The following MOXD1 variants were observed in gnomAD, a reference collection of about 807,000 sequenced individuals.
MOXD1 encodes monooxygenase DBH like 1, also known as DBH-like monooxygenase protein 1.
A neutral mutation model predicts 66.6 loss-of-function variants in MOXD1; 62 were observed. That is an observed-to-expected ratio of 0.93 (90% CI 0.76 to 1.15). The LOEUF is 1.15. MOXD1 is among the 50% of genes most tolerant of loss of function. MOXD1 has a pLI of 0.00. For synonymous variants in MOXD1, 303 were observed against 281.9 expected (o/e 1.07, Z -0.75); for missense variants, 847 against 754.6 (o/e 1.12, Z -1.44).
chr6:132,306,653 C>A (rs1187379412), intron 10 of MOXD1, among the ~76,000 whole-genome samples: 1 of 152,202 alleles, frequency 6.6e-6, no homozygotes. Context: ...ATCAGACTAA[C>A]AGTGGACCTC....
chr6:132,377,336 T>C (rs2114669934), intron 1 of MOXD1, among the ~76,000 whole-genome samples: 1 of 152,320 alleles, frequency 6.6e-6, no homozygotes, highest in South Asian at 2.1e-4. Context: ...CAGTTAACTG[T>C]GCCTTTTCAC....
rs753078871 is a variant in MOXD1 at position 132,315,788 on chromosome 6, ATAGT to A, written c.1366-15_1366-12del. Reference sequence around the variant, plus strand: ...GGTGCTTAGTCCTCCCTGAAAACAGATAGTTTATTTAGCAAAGTATGTGTTCTAC... The same window carrying A: ...GGTGCTTAGTCCTCCCTGAAAACAGATTATTTAGCAAAGTATGTGTTCTAC... On this transcript the variant is annotated splice_polypyrimidine_tract_variant and intron_variant, in intron 9 of 11. Coordinates refer to ENST00000367963, the MANE Select transcript of MOXD1 (RefSeq NM_015529.4). 2 of 1,612,810 alleles carry A rather than the reference ATAGT, an allele frequency of 1.2e-6. No individual in the cohort carries two copies. The highest frequency in any genetic ancestry group is 1.7e-6 in the Non-Finnish European group (2 of 1,179,268).
intron 4 of MOXD1, among the ~76,000 whole-genome samples, chr6:132,365,348 G>A (rs112761627): frequency 2.0e-5 from 3 of 152,098 alleles, no homozygotes; most frequent in African/African-American, 7.2e-5. Flanking sequence ...AACTTCAAGG[G>A]AGGCAGTGGC....
intron 4 of MOXD1, among the ~76,000 whole-genome samples, chr6:132,336,913 T>G (rs1775453378): frequency 6.6e-6 from 1 of 152,100 alleles, no homozygotes; most frequent in Non-Finnish European, 1.5e-5. Context: ...TCTTGGAACT[T>G]TTCAAACGAC....
intron 10 of MOXD1, among the ~76,000 whole-genome samples, chr6:132,315,182 T>C (rs1774915339): frequency 6.6e-6 from 1 of 152,192 alleles, no homozygotes. Context: ...CAAAAAACTC[T>C]GGGCACTGAA....
intron 9 of MOXD1, among the ~76,000 whole-genome samples, chr6:132,316,521 G>C (rs1264143978): frequency 6.6e-6 from 1 of 152,028 alleles, no homozygotes; most frequent in African/African-American, 2.4e-5. Flanking sequence ...TCAAAAATGA[G>C]TGAACAGAAA....
intron 4 of MOXD1, among the ~76,000 whole-genome samples, chr6:132,364,674 T>C (rs1776081143): frequency 6.6e-6 from 1 of 152,214 alleles, no homozygotes; most frequent in Non-Finnish European, 1.5e-5. Context: ...ACATTATCTC[T>C]GTGACTTAAG....
rs573015428 is a variant in MOXD1, at chr6:132,337,938, T to G, written c.664-9344A>C. Among the ~76,000 whole-genome samples, 3 of 152,264 alleles carry G rather than the reference T, an allele frequency of 2.0e-5. No individual in the cohort carries two copies. The South Asian group carries it at 6.2e-4, about 32-fold the overall frequency. ...TCATACGTATATGGCCAGCAAGAAG[T>G]AGGAGTGTCCCAGAGGTCCCATCTT... On this transcript the variant is annotated intron_variant, in intron 4 of 11. Coordinates refer to ENST00000367963, the MANE Select transcript of MOXD1 (RefSeq NM_015529.4).
chr6:132,341,100 T>C (rs1775552225), intron 4 of MOXD1, among the ~76,000 whole-genome samples: 1 of 152,212 alleles, frequency 6.6e-6, no homozygotes, highest in Non-Finnish European at 1.5e-5. Flanking sequence ...TTGGTCTGAA[T>C]GTGTCCCCCA....
At chr6:132,350,533 T>C (rs1419505628) in intron 4 of MOXD1, among the ~76,000 whole-genome samples, 2 of 152,206 alleles carry the variant, frequency 1.3e-5, no homozygotes, top group Non-Finnish European at 2.9e-5. Flanking sequence ...TATGGTCTTA[T>C]AGTTTGAAAT....
At chr6:132,365,250 GC>G (rs1218240038) in intron 4 of MOXD1, among the ~76,000 whole-genome samples, 1 of 152,098 alleles carries the variant, frequency 6.6e-6, no homozygotes, top group Non-Finnish European at 1.5e-5. Context: ...GGATTCTGGG[GC>G]ACTTTGGCAT....
At chr6:132,317,651 A>C (rs904333973) in intron 9 of MOXD1, among the ~76,000 whole-genome samples, 2 of 152,122 alleles carry the variant, frequency 1.3e-5, no homozygotes, top group Admixed American at 1.3e-4. Flanking sequence ...AAGACAGTGC[A>C]CCAAAATACC....
intron 4 of MOXD1, among the ~76,000 whole-genome samples, chr6:132,342,225 C>T (rs1266485571): frequency 6.6e-6 from 1 of 152,220 alleles, no homozygotes; most frequent in Non-Finnish European, 1.5e-5. Flanking sequence ...TGGTCTCAAA[C>T]TCCTGACCTC....
chr6:132,315,417 C>G (rs1280419409), intron 10 of MOXD1, among the ~76,000 whole-genome samples: 1 of 152,166 alleles, frequency 6.6e-6, no homozygotes, highest in Non-Finnish European at 1.5e-5. Context: ...TTGCTGAGTA[C>G]TGTAGGTACT....
In MOXD1 at chr6:132,297,844, C is replaced by G. The variant is rs759897553; in HGVS notation, c.1620G>C (p.Leu540=). ...TKKEGLSFNK[L]VLSLPVNVRC... is the part of the protein sequence containing the mutation. The stretch of plus-strand genomic sequence containing the variant: ...TCACATTCACTGGCAGGCTGAGGAC[C>G]AGCTTGTTGAAGGAGAGACCTTCCT... Residue 540 remains leucine, a synonymous_variant, in exon 11 of 12, where the codon CTG becomes CTC. Transcript: ENST00000367963. 1.2e-5 allele frequency: 19 copies of G among 1,613,322 alleles called. No individual in the cohort carries two copies. The Middle Eastern group carries it at 5.0e-4, about 42-fold the overall frequency.
intron 4 of MOXD1, among the ~76,000 whole-genome samples, chr6:132,336,703 A>T (rs139048091): frequency 5.3e-5 from 8 of 152,322 alleles, no homozygotes; most frequent in African/African-American, 1.9e-4. Flanking sequence ...GCTAAAGCAC[A>T]TGAGGTGATG....
At chr6:132,340,151 G>A (rs1341480482) in intron 4 of MOXD1, among the ~76,000 whole-genome samples, 1 of 151,974 alleles carries the variant, frequency 6.6e-6, no homozygotes, top group Non-Finnish European at 1.5e-5. Flanking sequence ...TCAAAGTGTT[G>A]GGATTACAGG....
chr6:132,340,642 T>TCA lies in MOXD1; in HGVS notation c.664-12049_664-12048insTG, dbSNP rs1562287232. On this transcript the variant is annotated intron_variant, in intron 4 of 11. Coordinates refer to ENST00000367963, the MANE Select transcript of MOXD1 (RefSeq NM_015529.4). ...CATGCTAAAACAACAAGACTCATTT[T>TCA]TTTTTTTTTTTTTTTTTTTTTTGAG... is the stretch of plus-strand genomic sequence containing the variant. Among the ~76,000 whole-genome samples the TCA allele has an allele frequency of 4.7e-3, 395 of 83,420 alleles. 6 individuals are homozygous for TCA. Among genetic ancestry groups the TCA allele is most frequent in the Middle Eastern group, 0.034 (6 of 178 alleles). 54.7% of individuals were successfully genotyped at this position (83,420 alleles called of 152,430 possible). A position where few individuals can be genotyped will look rare whatever the true frequency, so the allele number is the denominator to read the frequency against.
chr6:132,373,063 T>G (rs929654527), intron 2 of MOXD1, 66 bp from the exon 3 acceptor site: 39 of 1,417,370 alleles, frequency 2.8e-5, no homozygotes, highest in Admixed American at 1.7e-4. Context: ...GAGTTGAGTT[T>G]AAAGAACTCT....
Sources: gnomAD v4.1 joint callset for allele counts (sites outside exome capture counted in the v4.1 genomes callset) on GRCh38, gnomAD v4.1.1 for gene constraint, MANE v1.5 for transcripts, NCBI Gene and HGNC (gene_info 2026-07-23, HGNC 2026-07-21) for gene names.